The following ADAMTS6 variants were observed in gnomAD, a reference collection of about 807,000 sequenced individuals.
ADAMTS6 encodes ADAM metallopeptidase with thrombospondin type 1 motif 6, also known as A disintegrin and metalloproteinase with thrombospondin motifs 6.
In ADAMTS6, 23 loss-of-function variants were observed where a neutral mutation model predicts 144.3. That is an observed-to-expected ratio of 0.16 (90% CI 0.11 to 0.23). The LOEUF (loss-of-function observed/expected upper bound fraction) is 0.23. Ranked by LOEUF, ADAMTS6 falls within the 10% of genes least tolerant of loss-of-function variation. The pLI, the probability that ADAMTS6 is intolerant of heterozygous loss-of-function variation, is 1.00. For synonymous variants in ADAMTS6, 444 were observed against 457.5 expected (o/e 0.97, Z 0.38); for missense variants, 999 against 1,379.6 (o/e 0.72, Z 4.37).
intron 20 of ADAMTS6, among the ~76,000 whole-genome samples, chr5:65,201,286 C>T (rs898878925): frequency 1.8e-4 from 27 of 152,090 alleles, no homozygotes; most frequent in Non-Finnish European, 2.9e-5. Context: ...CATTCCAGTC[C>T]CTCTACTCCT....
chr5:65,473,862 T>C lies in ADAMTS6; in HGVS notation c.-189A>G. The C allele has an allele frequency of 2.0e-6, 1 of 497,206 alleles. No individual in the cohort carries two copies. The highest frequency in any genetic ancestry group is 4.2e-5 in the South Asian group (1 of 23,704). The allele number at this position is 497,206 out of a possible 1,614,324, so 30.8% of individuals were successfully genotyped here. ...TTCTTCTATATCTGGATTCATTTTC[T>C]CAATCCAAAATGAAAAAAATAATGA... On this transcript the variant is annotated 5_prime_UTR_variant, in exon 2 of 25. The change abolishes the stop of an existing upstream ORF in the 5' untranslated region. Coordinates refer to ENST00000381055, the MANE Select transcript of ADAMTS6 (RefSeq NM_197941.4).
chr5:65,311,125 T>C (rs1744455908), intron 9 of ADAMTS6, among the ~76,000 whole-genome samples: 1 of 152,154 alleles, frequency 6.6e-6, no homozygotes, highest in Non-Finnish European at 1.5e-5. Flanking sequence ...TCAGCAAATC[T>C]CTGAATCCAA....
At chr5:65,215,248 T>A in intron 19 of ADAMTS6, 76 bp downstream of exon 19, 1 of 1,465,436 alleles carries the variant, frequency 6.8e-7, no homozygotes, top group African/African-American at 1.4e-5. Flanking sequence ...AAAGCAGAGA[T>A]AATAAAACCT....
intron 12 of ADAMTS6, among the ~76,000 whole-genome samples, chr5:65,269,853 G>A (rs1025465760): frequency 7.4e-5 from 11 of 149,600 alleles, no homozygotes; most frequent in South Asian, 4.2e-4. Context: ...GGGCAATGGC[G>A]TGCAATCTTG....
intron 9 of ADAMTS6, among the ~76,000 whole-genome samples, chr5:65,308,255 T>C (rs539631198): frequency 1.3e-5 from 2 of 152,338 alleles, no homozygotes; most frequent in African/African-American, 2.4e-5. Flanking sequence ...TGGTTATGTG[T>C]GCTTTTGTTA....
intron 8 of ADAMTS6, among the ~76,000 whole-genome samples, chr5:65,331,335 G>A (rs562434034): frequency 6.6e-6 from 1 of 152,028 alleles, no homozygotes; most frequent in Non-Finnish European, 1.5e-5. Flanking sequence ...TGTGCCATGT[G>A]GCTGTATTTT....
chr5:65,315,291 T>C lies in ADAMTS6; in HGVS notation c.1223+14087A>G, dbSNP rs144212741. Among the ~76,000 whole-genome samples, 398 of 151,976 alleles carry C rather than the reference T, an allele frequency of 2.6e-3. 1 individual carries two copies. Among genetic ancestry groups the C allele is most frequent in the African/African-American group, 9.2e-3 (381 of 41,540 alleles). ...TTTATATATATGTACACATTAAATA[T>C]ATTTTGTATATAAAATTATTATATT... On this transcript the variant is annotated intron_variant, in intron 9 of 24. Coordinates refer to ENST00000381055, the MANE Select transcript of ADAMTS6 (RefSeq NM_197941.4).
chr5:65,323,892 G>A (rs1360591476), intron 9 of ADAMTS6, among the ~76,000 whole-genome samples: 1 of 152,120 alleles, frequency 6.6e-6, no homozygotes, highest in Non-Finnish European at 1.5e-5. Context: ...TTTTTCATGT[G>A]TTTTTTGGCT....
chr5:65,322,591 T>C (rs1745732159), intron 9 of ADAMTS6, among the ~76,000 whole-genome samples: 1 of 148,682 alleles, frequency 6.7e-6, no homozygotes, highest in African/African-American at 2.5e-5. Flanking sequence ...TAGAGATCTT[T>C]CACCTCCCTA....
chr5:65,451,016 A>G (rs139324825), intron 7 of ADAMTS6, among the ~76,000 whole-genome samples: 66 of 152,314 alleles, frequency 4.3e-4, no homozygotes, highest in African/African-American at 1.5e-3. Flanking sequence ...TAAACATTCA[A>G]GTAAGTTGTA....
Position 65,170,790 on chromosome 5 carries a change from A to G in ADAMTS6, c.3088-17T>C. Reference sequence around the variant, plus strand: ...AGCAGAACACTAAATCCAAAGACACAAAGAAACAAAATATTAATCTCAACA... The same window carrying G: ...AGCAGAACACTAAATCCAAAGACACGAAGAAACAAAATATTAATCTCAACA... On this transcript the variant is annotated splice_polypyrimidine_tract_variant and intron_variant, in intron 23 of 24. Coordinates refer to ENST00000381055, the MANE Select transcript of ADAMTS6 (RefSeq NM_197941.4). 6.2e-7 allele frequency: 1 copy of G among 1,601,464 alleles called. No individual in the cohort carries two copies. The highest frequency in any genetic ancestry group is 8.5e-7 in the Non-Finnish European group (1 of 1,171,820).
chr5:65,229,741 C>T (rs1195208901), intron 15 of ADAMTS6, among the ~76,000 whole-genome samples: 1 of 151,916 alleles, frequency 6.6e-6, no homozygotes, highest in East Asian at 1.9e-4. Context: ...AATCTCCAGT[C>T]AGGCAAAAAA....
intron 24 of ADAMTS6, among the ~76,000 whole-genome samples, chr5:65,163,565 G>C (rs565276649): frequency 1.3e-5 from 2 of 152,322 alleles, no homozygotes; most frequent in South Asian, 2.1e-4. Flanking sequence ...CTTTTAAATA[G>C]TGAGTATTAT....
chr5:65,471,239 T>C, intron 2 of ADAMTS6, 97 bp from the exon 3 acceptor site: 1 of 1,251,658 alleles, frequency 8.0e-7, no homozygotes. Context: ...AACAACTATG[T>C]CAATTAAAAC....
chr5:65,424,565 T>C (rs1756344262), intron 7 of ADAMTS6, among the ~76,000 whole-genome samples: 2 of 152,316 alleles, frequency 1.3e-5, no homozygotes, highest in Middle Eastern at 3.4e-3. Context: ...GTGGCGTCAT[T>C]TCCATTACTG....
At chr5:65,350,402 C>T (rs574786909) in intron 7 of ADAMTS6, among the ~76,000 whole-genome samples, 1 of 152,202 alleles carries the variant, frequency 6.6e-6, no homozygotes, top group South Asian at 2.1e-4. Flanking sequence ...TTTTTCAACC[C>T]TTTAATTATC....
chr5:65,279,085 A>G (rs926807203), intron 11 of ADAMTS6, among the ~76,000 whole-genome samples: 2 of 152,042 alleles, frequency 1.3e-5, no homozygotes, highest in Admixed American at 1.3e-4. Flanking sequence ...CTGGGACTAC[A>G]AGCACATGCC....
chr5:65,461,532 T>C (rs1284613673), intron 3 of ADAMTS6, among the ~76,000 whole-genome samples: 2 of 152,234 alleles, frequency 1.3e-5, no homozygotes, highest in African/African-American at 4.8e-5. Context: ...ATGGCACATG[T>C]GAGGACTGCT....
intron 12 of ADAMTS6, among the ~76,000 whole-genome samples, chr5:65,268,553 T>A (rs1761809601): frequency 6.6e-6 from 1 of 152,152 alleles, no homozygotes; most frequent in African/African-American, 2.4e-5. Context: ...CAGCGCACCG[T>A]CTGGGCTCAT....
Sources: allele counts gnomAD v4.1 joint callset (sites outside exome capture counted in the v4.1 genomes callset), GRCh38; gene constraint gnomAD v4.1.1; transcripts MANE v1.5; gene names NCBI Gene and HGNC (gene_info 2026-07-23, HGNC 2026-07-21).